Variants in EFNB3 observed in about 807,000 individuals in gnomAD.
EFNB3 encodes the protein ephrin B3, also known as ephrin-B3.
EFNB3 carries 14 observed loss-of-function variants against 29.8 expected under a neutral mutation model. That is an observed-to-expected ratio of 0.47 (90% CI 0.31 to 0.73). The LOEUF (loss-of-function observed/expected upper bound fraction) is 0.73, where lower values mean the gene tolerates loss of function less well. Ranked by LOEUF, EFNB3 falls within the 30% of genes least tolerant of loss-of-function variation. The pLI, the probability that EFNB3 is intolerant of heterozygous loss-of-function variation, is 0.05. For missense variants in EFNB3, 408 were observed against 458.0 expected (o/e 0.89, Z 1.00); for synonymous variants, 216 against 191.6 (o/e 1.13, Z -1.05).
Position 7,705,530 on chromosome 17 carries a change from G to A in EFNB3, c.-69G>A. 1 of 877,062 alleles carries A rather than the reference G, an allele frequency of 1.1e-6. No individual in the cohort carries two copies. Among genetic ancestry groups the A allele is most frequent in the Non-Finnish European group, 1.6e-6 (1 of 617,370 alleles). The allele number at this position is 877,062 out of a possible 1,614,324, so 54.3% of individuals were successfully genotyped here. ...CCGGGCTGAAGAGCCAGGCAGCCAA[G>A]GCAGCCACCCCGGGGGGTGGGCGAC... On this transcript the variant is annotated 5_prime_UTR_variant, in exon 1 of 5. Transcript: ENST00000226091. This position sits in a 1 kb window ranked among gnomAD's most constrained non-coding sequence, Gnocchi z 5.4.
chr17:7,707,024 G>T (rs1217546787), intron 1 of EFNB3, among the ~76,000 whole-genome samples: 2 of 152,184 alleles, frequency 1.3e-5, no homozygotes, highest in Admixed American at 1.3e-4. Flanking sequence ...GTAGAGAAAA[G>T]GGAGTTAGGG....
rs1389655510 is a variant in EFNB3 at position 7,705,640 on chromosome 17, G to A, written c.42G>A (p.Gly14=). 1 of 1,518,578 alleles carries A rather than the reference G, an allele frequency of 6.6e-7. No homozygotes were observed. 94.1% of individuals were successfully genotyped at this position (1,518,578 alleles called of 1,614,324 possible). The change falls in exon 1 of 5, where the codon GGG becomes GGA. Residue 14 remains glycine, a synonymous_variant. Coordinates refer to ENST00000226091, the MANE Select transcript of EFNB3 (RefSeq NM_001406.4). The surrounding 1 kb of genome is among the most constrained non-coding windows in gnomAD (Gnocchi z 5.4). The part of the protein sequence containing the change: ...PHSGPGGVRV[G]ALLLLGVLGL... ...CTGGGCCGGGGGGCGTGCGAGTCGG[G>A]GCCCTGCTGCTGCTGGGGGTTTTGG... is the stretch of plus-strand genomic sequence containing the variant.
In EFNB3 at chr17:7,705,712, G is replaced by A. The variant is rs370079619; in HGVS notation, c.114G>A (p.Ala38=). ...TGGAGCCTGTCTACTGGAACTCGGC[G>A]AATAAGAGGTGAGTGGCCTGCGGCT... is the stretch of plus-strand genomic sequence containing the variant. The part of the protein sequence containing the change: ...LSLEPVYWNS[A]NKRFQAEGGY... The change falls in exon 1 of 5, where the codon GCG becomes GCA. Residue 38 remains alanine, a synonymous_variant. Transcript: ENST00000226091. The surrounding 1 kb of genome is among the most constrained non-coding windows in gnomAD (Gnocchi z 5.4). 8.6e-5 allele frequency: 134 copies of A among 1,563,002 alleles called. No individual in the cohort carries two copies. The highest frequency in any genetic ancestry group is 1.0e-4 in the Non-Finnish European group (121 of 1,160,960).
Position 7,709,628 on chromosome 17 carries a change from C to T in EFNB3, c.*52C>T. The T allele has an allele frequency of 2.5e-6, 4 of 1,609,716 alleles. No individual in the cohort carries two copies. The highest frequency in any genetic ancestry group is 2.2e-5 in the East Asian group (1 of 44,802). On this transcript the variant is annotated 3_prime_UTR_variant, in exon 5 of 5. Transcript: ENST00000226091. The surrounding 1 kb of genome is among the most constrained non-coding windows in gnomAD (Gnocchi z 4.5). ...ATCCAGCCCTTCTTGGGGTGCTCCT[C>T]CAGTTTAATTCCTGGTTTGAGGGAC...
chr17:7,710,145 C>T lies in EFNB3; in HGVS notation c.*569C>T, dbSNP rs1037321841. On this transcript the variant is annotated 3_prime_UTR_variant, in exon 5 of 5. Transcript: ENST00000226091. The stretch of plus-strand genomic sequence containing the variant: ...CAGCCCCCCTTCTGACCTCTCATAC[C>T]AACCACTCCCCTCAGTCTGCCAAAA... The T allele has an allele frequency of 5.7e-6, 1 of 176,312 alleles. No homozygotes were observed. The highest frequency in any genetic ancestry group is 1.2e-5 in the Non-Finnish European group (1 of 84,958). 10.9% of individuals were successfully genotyped at this position (176,312 alleles called of 1,614,324 possible).
rs1387427184 is a variant in EFNB3 at position 7,709,004 on chromosome 17, C to G, written c.614-163C>G. 6.6e-6 allele frequency among the ~76,000 whole-genome samples: 1 copy of G among 152,198 alleles called. No homozygotes were observed. Among genetic ancestry groups the G allele is most frequent in the African/African-American group, 2.4e-5 (1 of 41,460 alleles). Reference sequence around the variant, plus strand: ...GGCAGGAAGCTGAAGGGCTGGACACCTGGATTCTGAGCAGAGTTCGGAGGG... The same window carrying G: ...GGCAGGAAGCTGAAGGGCTGGACACGTGGATTCTGAGCAGAGTTCGGAGGG... On this transcript the variant is annotated intron_variant, in intron 4 of 4. Coordinates refer to ENST00000226091, the MANE Select transcript of EFNB3 (RefSeq NM_001406.4). The surrounding 1 kb of genome is among the most constrained non-coding windows in gnomAD (Gnocchi z 4.5).
Position 7,708,544 on chromosome 17 carries a change from G to GAC in EFNB3, c.508+20_508+21dup. 6.2e-7 allele frequency: 1 copy of GAC among 1,611,714 alleles called. No homozygotes were observed. Among genetic ancestry groups the GAC allele is most frequent in the Non-Finnish European group, 8.5e-7 (1 of 1,178,942 alleles). On this transcript the variant is annotated intron_variant, in intron 3 of 4. Coordinates refer to ENST00000226091, the MANE Select transcript of EFNB3 (RefSeq NM_001406.4). The surrounding 1 kb of genome is among the most constrained non-coding windows in gnomAD (Gnocchi z 6.8). ...TGGGACAAAGTGAGTGGGGCTGGGG[G>GAC]ACACCTCCTGGGCACGAAGGGACGT...
intron 1 of EFNB3, among the ~76,000 whole-genome samples, chr17:7,706,379 A>G (rs896740741): frequency 6.6e-6 from 1 of 151,896 alleles, no homozygotes; most frequent in African/African-American, 2.4e-5. Context: ...TCCCTTTTGC[A>G]TCTGGAGGAC....
rs2074343425 is a variant in EFNB3, at chr17:7,709,867, G to T, written c.*291G>T. On this transcript the variant is annotated 3_prime_UTR_variant, in exon 5 of 5. Transcript: ENST00000226091. This position sits in a 1 kb window ranked among gnomAD's most constrained non-coding sequence, Gnocchi z 4.5. ...AGCCTCCTCTCTGACCATGACCCAG[G>T]CATCCTTGTCCCCCTCACCCACCCA... The T allele has an allele frequency of 3.9e-6, 2 of 516,846 alleles. No individual in the cohort carries two copies. The highest frequency in any genetic ancestry group is 2.3e-5 in the South Asian group (1 of 44,272). The allele number at this position is 516,846 out of a possible 1,614,324, so 32.0% of individuals were successfully genotyped here.
In EFNB3 at chr17:7,709,182, A is replaced by G. The variant is rs1205148137; in HGVS notation, c.629A>G (p.Asn210Ser). Residue 210 changes from asparagine (N) to serine (S), a missense_variant, in exon 5 of 5, where the codon AAT becomes AGT. Transcript: ENST00000226091. This position sits in a 1 kb window ranked among gnomAD's most constrained non-coding sequence, Gnocchi z 4.5. ...TCCCTGCCAGGTGACCCCACCAGCA[A>G]TGCAACCTCCCGGGGTGCTGAAGGC... is the stretch of plus-strand genomic sequence containing the variant. The part of the protein sequence containing the change: ...KENLPGDPTS[N>S]ATSRGAEGPL... The G allele has an allele frequency of 1.2e-6, 2 of 1,602,252 alleles. No homozygotes were observed. Among genetic ancestry groups the G allele is most frequent in the Non-Finnish European group, 1.7e-6 (2 of 1,178,032 alleles).
rs746159356 is a variant in EFNB3, at chr17:7,709,551, C to T, written c.998C>T (p.Pro333Leu). Residue 333 changes from proline to leucine, a missense_variant, in exon 5 of 5, where the codon CCT (proline) becomes CTT (leucine). Around this residue, in one of 3 missense-constraint regions of EFNB3, gnomAD observed 233 missense variants for 230.7 expected, o/e 1.01. Coordinates refer to ENST00000226091, the MANE Select transcript of EFNB3 (RefSeq NM_001406.4). This position sits in a 1 kb window ranked among gnomAD's most constrained non-coding sequence, Gnocchi z 4.5. ...YIVQDGPPQS[P>L]PNIYYKV ...GTGCAGGATGGGCCCCCCCAGAGCC[C>T]TCCAAACATCTACTACAAGGTATGA... 151 of 1,613,932 alleles carry T rather than the reference C, an allele frequency of 9.4e-5. No homozygotes were observed. The highest frequency in any genetic ancestry group is 2.7e-5 in the Non-Finnish European group (32 of 1,179,948).
chr17:7,705,559 G>A lies in EFNB3; in HGVS notation c.-40G>A. On this transcript the variant is annotated 5_prime_UTR_variant, in exon 1 of 5. Transcript: ENST00000226091. The surrounding 1 kb of genome is among the most constrained non-coding windows in gnomAD (Gnocchi z 5.4). ...GCCACCCCGGGGGGTGGGCGACTTT[G>A]GGGGAGTTGGTGCCCCGCCCCCCAG... 8.0e-7 allele frequency: 1 copy of A among 1,250,560 alleles called. No homozygotes were observed. The highest frequency in any genetic ancestry group is 1.6e-5 in the South Asian group (1 of 63,030). The allele number at this position is 1,250,560 out of a possible 1,614,324, so 77.5% of individuals were successfully genotyped here. A position where few individuals can be genotyped will look rare whatever the true frequency, so the allele number is the denominator to read the frequency against.
intron 1 of EFNB3, among the ~76,000 whole-genome samples, chr17:7,706,239 A>G (rs550779293): frequency 6.6e-6 from 1 of 150,866 alleles, no homozygotes; most frequent in South Asian, 2.1e-4. Context: ...CTGTCTCCCA[A>G]CTCTTCCCCA....
Position 7,709,656 on chromosome 17 carries a change from C to G in EFNB3, c.*80C>G. The G allele has an allele frequency of 6.5e-7, 1 of 1,534,122 alleles. No homozygotes were observed. Among genetic ancestry groups the G allele is most frequent in the Non-Finnish European group, 8.9e-7 (1 of 1,120,892 alleles). ...GTTTAATTCCTGGTTTGAGGGACAC[C>G]TCTAACATCTCGGCCCCCTGTGCCC... On this transcript the variant is annotated 3_prime_UTR_variant, in exon 5 of 5. Transcript: ENST00000226091. The surrounding 1 kb of genome is among the most constrained non-coding windows in gnomAD (Gnocchi z 4.5).
chr17:7,708,822 C>A lies in EFNB3; in HGVS notation c.613+83C>A. Reference sequence around the variant, plus strand: ...GCTGCCCTGCCGTCACCCTCCCTCCCTCTTCAGTTTTGGGGGCGGTGATAC... The same window carrying A: ...GCTGCCCTGCCGTCACCCTCCCTCCATCTTCAGTTTTGGGGGCGGTGATAC... On this transcript the variant is annotated intron_variant, in intron 4 of 4. Transcript: ENST00000226091. The surrounding 1 kb of genome is among the most constrained non-coding windows in gnomAD (Gnocchi z 6.8). The A allele has an allele frequency of 7.8e-7, 1 of 1,282,994 alleles. No homozygotes were observed. The highest frequency in any genetic ancestry group is 1.1e-6 in the Non-Finnish European group (1 of 943,570). The allele number at this position is 1,282,994 out of a possible 1,614,324, so 79.5% of individuals were successfully genotyped here. A position where few individuals can be genotyped will look rare whatever the true frequency, so the allele number is the denominator to read the frequency against.
At position 7,708,766 on chromosome 17, in the gene EFNB3, C is replaced by G. The variant is rs2287496; in HGVS notation, c.613+27C>G. ...TAGGAACCAGGGGCTAGGCCCCTGC[C>G]TTCCCCAGCTTCCTCTGCTCTCAGA... is the stretch of plus-strand genomic sequence containing the variant. On this transcript the variant is annotated intron_variant, in intron 4 of 4. Transcript: ENST00000226091. The surrounding 1 kb of genome is among the most constrained non-coding windows in gnomAD (Gnocchi z 6.8). 4.7e-6 allele frequency: 7 copies of G among 1,504,566 alleles called. No homozygotes were observed. The highest frequency in any genetic ancestry group is 6.2e-6 in the Non-Finnish European group (7 of 1,122,678). The allele number at this position is 1,504,566 out of a possible 1,614,324, so 93.2% of individuals were successfully genotyped here.
At position 7,708,993 on chromosome 17, in the gene EFNB3, G is replaced by A. The variant is rs2074338313; in HGVS notation, c.614-174G>A. Among the ~76,000 whole-genome samples, 1 of 152,214 alleles carries A rather than the reference G, an allele frequency of 6.6e-6. No homozygotes were observed. Among genetic ancestry groups the A allele is most frequent in the East Asian group, 1.9e-4 (1 of 5,198 alleles). On this transcript the variant is annotated intron_variant, in intron 4 of 4. Coordinates refer to ENST00000226091, the MANE Select transcript of EFNB3 (RefSeq NM_001406.4). The surrounding 1 kb of genome is among the most constrained non-coding windows in gnomAD (Gnocchi z 6.8). ...GAGGACTCCGTGGCAGGAAGCTGAAGGGCTGGACACCTGGATTCTGAGCAG... is the reference window on the plus strand; with the variant it reads ...GAGGACTCCGTGGCAGGAAGCTGAAAGGCTGGACACCTGGATTCTGAGCAG...
chr17:7,708,868 A>C lies in EFNB3; in HGVS notation c.613+129A>C. On this transcript the variant is annotated intron_variant, in intron 4 of 4. Transcript: ENST00000226091. The surrounding 1 kb of genome is among the most constrained non-coding windows in gnomAD (Gnocchi z 6.8). Reference sequence around the variant, plus strand: ...GATACAGGAAAGAGGAGAAGAGAGGATGGGAGGGTGGGAGGGGAATGGAAA... The same window carrying C: ...GATACAGGAAAGAGGAGAAGAGAGGCTGGGAGGGTGGGAGGGGAATGGAAA... 1 of 440,612 alleles carries C rather than the reference A, an allele frequency of 2.3e-6. No homozygotes were observed. The highest frequency in any genetic ancestry group is 4.3e-6 in the Non-Finnish European group (1 of 235,230). The allele number at this position is 440,612 out of a possible 1,614,324, so 27.3% of individuals were successfully genotyped here.
chr17:7,706,504 C>T (rs2074328185), intron 1 of EFNB3, among the ~76,000 whole-genome samples: 4 of 152,188 alleles, frequency 2.6e-5, no homozygotes, highest in South Asian at 2.1e-4. Flanking sequence ...CTTCAAGCCA[C>T]GCTGGGTAGG....
Sources: allele counts gnomAD v4.1 joint callset (sites outside exome capture counted in the v4.1 genomes callset), GRCh38; gene constraint gnomAD v4.1.1; regional missense constraint gnomAD v4.1.1; non-coding constraint Gnocchi (gnomAD v3.1); transcripts MANE v1.5; gene names NCBI Gene and HGNC (gene_info 2026-07-23, HGNC 2026-07-21).